Variants in MGAT4D observed in about 807,000 individuals in gnomAD.
The protein encoded by MGAT4D is MGAT4 family member D, also known as alpha-1,3-mannosyl-glycoprotein 4-beta-N-acetylglucosaminyltransferase-like protein MGAT4D.
Under a neutral mutation model 15.9 loss-of-function variants are expected in MGAT4D, and 34 were observed. The observed-to-expected ratio is 2.14, with a 90% CI of 1.62 to 2.84. MGAT4D has a LOEUF of 2.84. MGAT4D is among the 30% of genes most tolerant of loss of function. The pLI is 0.00. For synonymous variants in MGAT4D, 112 were observed against 48.2 expected (o/e 2.33, Z -5.49); for missense variants, 327 against 140.2 (o/e 2.33, Z -6.73).
intron 8 of MGAT4D, chr4:140,457,463 A>AT (rs1054493428): frequency 1.3e-5 from 2 of 151,984 alleles, no homozygotes; most frequent in Non-Finnish European, 2.9e-5. Context: ...TAATTTTTTA[A>AT]TTTTTTGCAC....
chr4:140,449,403 T>C (rs1429112841), intron 10 of MGAT4D, among the ~76,000 whole-genome samples: 1 of 152,176 alleles, frequency 6.6e-6, no homozygotes, highest in African/African-American at 2.4e-5. Context: ...GCTAGATGAA[T>C]AGAGATAAAT....
intron 10 of MGAT4D, among the ~76,000 whole-genome samples, chr4:140,443,714 G>C (rs1323178883): frequency 6.6e-6 from 1 of 152,002 alleles, no homozygotes; most frequent in Non-Finnish European, 1.5e-5. Context: ...AATCTTTATA[G>C]TCAGATTATC....
intron 1 of MGAT4D, among the ~76,000 whole-genome samples, chr4:140,484,625 T>C (rs890886062): frequency 6.6e-6 from 1 of 152,100 alleles, no homozygotes; most frequent in Non-Finnish European, 1.5e-5. Flanking sequence ...ACCTACAGAA[T>C]GGGAGAAAAT....
intron 5 of MGAT4D, 119 bp from the exon 6 acceptor site, chr4:140,465,128 CAT>C (rs1247656837): frequency 9.0e-6 from 5 of 554,702 alleles, no homozygotes; most frequent in South Asian, 2.8e-5. Flanking sequence ...AATTATTTCA[CAT>C]GTTGATACAT....
rs117550427 is a variant in MGAT4D at position 140,481,429 on chromosome 4, C to T, written c.253+898G>A. On this transcript the variant is annotated intron_variant, in intron 2 of 10. Coordinates refer to ENST00000511113, the MANE Select transcript of MGAT4D (RefSeq NM_001277353.2). ...TCTTATAACATTAAACATATACTTA[C>T]ATATGCCCTGTCAATCCTACTTCTA... 4.3e-4 allele frequency among the ~76,000 whole-genome samples: 66 copies of T among 152,306 alleles called. 1 individual carries two copies. In the East Asian group the frequency reaches 0.011, roughly 25 times the overall value.
At chr4:140,497,268 G>C (rs1161136755) in intron 1 of MGAT4D, among the ~76,000 whole-genome samples, 1 of 152,036 alleles carries the variant, frequency 6.6e-6, no homozygotes, top group Admixed American at 6.5e-5. Context: ...AATTTACAGG[G>C]TTCCTAAGTC....
intron 1 of MGAT4D, among the ~76,000 whole-genome samples, chr4:140,486,179 C>T (rs1733115061): frequency 6.6e-6 from 1 of 152,064 alleles, no homozygotes; most frequent in African/African-American, 2.4e-5. Flanking sequence ...AGGGCTTTGG[C>T]TTTTGCAGTG....
At chr4:140,461,629 G>A (rs536310201) in intron 7 of MGAT4D, among the ~76,000 whole-genome samples, 40 of 151,794 alleles carry the variant, frequency 2.6e-4, no homozygotes, top group African/African-American at 6.5e-4. Context: ...ATACAATTTC[G>A]TTTTTTTGAG....
intron 9 of MGAT4D, among the ~76,000 whole-genome samples, chr4:140,453,690 T>C (rs1276279722): frequency 2.6e-5 from 4 of 152,010 alleles, no homozygotes; most frequent in African/African-American, 9.7e-5. Flanking sequence ...TCATGAGATC[T>C]AATGGTTTTA....
Position 140,474,913 on chromosome 4 carries a change from CT to C in MGAT4D, c.424del (p.Arg142GlufsTer7). The C allele has an allele frequency of 5.7e-6, 4 of 697,204 alleles. 1 individual carries two copies. The South Asian group carries it at 6.0e-5, about 11-fold the overall frequency. The allele number at this position is 697,204 out of a possible 1,614,324, so 43.2% of individuals were successfully genotyped here. A position where few individuals can be genotyped will look rare whatever the true frequency, so the allele number is the denominator to read the frequency against. On this transcript the variant is annotated frameshift_variant, in exon 4 of 11. Transcript: ENST00000511113. LOFTEE classifies it high-confidence loss of function. ...CTGTTTCAGGTAACTATAATTTCCT[CT>C]GTTAACAGTGGAAATACCCAGCGCA... ...SFALGISTVN[R>X]GNYSYLKQTL...
chr4:140,475,807 C>CA (rs1732280234), intron 3 of MGAT4D, among the ~76,000 whole-genome samples: 1 of 105,398 alleles, frequency 9.5e-6, no homozygotes, highest in Non-Finnish European at 1.9e-5. Context: ...TATTGGCTTT[C>CA]TTTTTTTTTT....
At chr4:140,474,538 G>A (rs1274761627) in intron 4 of MGAT4D, among the ~76,000 whole-genome samples, 1 of 151,860 alleles carries the variant, frequency 6.6e-6, no homozygotes, top group Non-Finnish European at 1.5e-5. Flanking sequence ...AGGGATTCAG[G>A]GATTCTATAT....
At chr4:140,450,511 T>C (rs1730406085) in intron 10 of MGAT4D, among the ~76,000 whole-genome samples, 1 of 152,220 alleles carries the variant, frequency 6.6e-6, no homozygotes, top group Non-Finnish European at 1.5e-5. Context: ...CTTTATTGGA[T>C]TCCACCTTGC....
intron 4 of MGAT4D, 137 bp downstream of exon 4, chr4:140,474,675 CA>C: frequency 4.7e-6 from 2 of 421,920 alleles, no homozygotes; most frequent in South Asian, 8.4e-5. Context: ...GTCTGGTATC[CA>C]AAAAAGGCAT....
intron 2 of MGAT4D, 77 bp from the exon 3 acceptor site, chr4:140,479,704 G>A (rs952736041): frequency 1.4e-5 from 5 of 364,862 alleles, no homozygotes; most frequent in Admixed American, 4.6e-5. Flanking sequence ...TTTCAAAGAG[G>A]TGTTAATAAA....
Position 140,480,620 on chromosome 4 carries a change from T to A in MGAT4D, c.254-993A>T, listed in dbSNP as rs1454191650. On this transcript the variant is annotated intron_variant, in intron 2 of 10. Transcript: ENST00000511113. ...TCTGATATGTATCCAGGATAATATG[T>A]AGAACTCTTTCAAAACTCAATGAGA... Among the ~76,000 whole-genome samples, 8 of 152,234 alleles carry A rather than the reference T, an allele frequency of 5.3e-5. No homozygotes were observed. The East Asian group carries it at 1.5e-3, about 29-fold the overall frequency.
At chr4:140,450,904 G>A (rs11935011) in intron 10 of MGAT4D, among the ~76,000 whole-genome samples, 25,972 of 151,852 alleles carry the variant, frequency 0.17, 2,273 homozygotes, top group South Asian at 0.29. Context: ...TACACTAAGG[G>A]GCTAAGTTAA....
intron 1 of MGAT4D, among the ~76,000 whole-genome samples, chr4:140,492,153 GA>G (rs960720916): frequency 1.3e-5 from 2 of 152,140 alleles, no homozygotes; most frequent in African/African-American, 2.4e-5. Context: ...TTGTGGGGGG[GA>G]AAATGTATAA....
At chr4:140,444,778 AG>A (rs1729978789) in intron 10 of MGAT4D, among the ~76,000 whole-genome samples, 1 of 152,052 alleles carries the variant, frequency 6.6e-6, no homozygotes, top group African/African-American at 2.4e-5. Context: ...TAGTTATTTG[AG>A]GAATTGCCAC....
Sources: gnomAD v4.1 joint callset for allele counts (sites outside exome capture counted in the v4.1 genomes callset) on GRCh38, gnomAD v4.1.1 for gene constraint, MANE v1.5 for transcripts, NCBI Gene and HGNC (gene_info 2026-07-23, HGNC 2026-07-21) for gene names.